The following NUTM2E variants were observed in gnomAD, a reference collection of about 807,000 sequenced individuals.
The protein encoded by NUTM2E is family with sequence similarity 22, member E.
Under a neutral mutation model 26.1 loss-of-function variants are expected in NUTM2E, and 3 were observed. The observed-to-expected ratio is 0.12, with a 90% CI of 0.05 to 0.30. The LOEUF (loss-of-function observed/expected upper bound fraction) is 0.30. NUTM2E is among the 10% of genes least tolerant of loss of function. NUTM2E has a pLI of 1.00. For synonymous variants in NUTM2E, 13 were observed against 157.5 expected (o/e 0.08, Z 6.87); for missense variants, 62 against 381.3 (o/e 0.16, Z 6.97).
At position 79,839,101 on chromosome 10, in the gene NUTM2E, C is replaced by A. The variant is rs1841983553; in HGVS notation, c.-2128C>A. Among the ~76,000 whole-genome samples, 1 of 151,506 alleles carries A rather than the reference C, an allele frequency of 6.6e-6. No homozygotes were observed. The highest frequency in any genetic ancestry group is 1.5e-5 in the Non-Finnish European group (1 of 67,840). ...GAGAAACCAGCGCGTCCGCAACGAT[C>A]ACTCCTAATTTTCGGTAATACAAAC... is the stretch of plus-strand genomic sequence containing the variant. On this transcript the variant is annotated 5_prime_UTR_variant, in exon 3 of 10. Coordinates refer to ENST00000429984, the MANE Select transcript of NUTM2E (RefSeq NM_001355263.2).
chr10:79,834,290 G>A (rs1352864729), intron 1 of NUTM2E, among the ~76,000 whole-genome samples: 1 of 151,622 alleles, frequency 6.6e-6, no homozygotes, highest in Non-Finnish European at 1.5e-5. Context: ...AACCATCATG[G>A]CACATGTATA....
chr10:79,830,069 T>G (rs571500573), intron 1 of NUTM2E, among the ~76,000 whole-genome samples: 1 of 151,924 alleles, frequency 6.6e-6, no homozygotes, highest in East Asian at 1.9e-4. Flanking sequence ...TAGTATGATT[T>G]ATTTACCTTT....
intron 1 of NUTM2E, among the ~76,000 whole-genome samples, chr10:79,828,927 T>C (rs1288527547): frequency 1.3e-5 from 2 of 151,816 alleles, no homozygotes; most frequent in Non-Finnish European, 2.9e-5. Context: ...AATATGGTGA[T>C]GAACAGCTAA....
chr10:79,838,984 G>A lies in NUTM2E; in HGVS notation c.-2245G>A, dbSNP rs1469213727. 5.4e-5 allele frequency among the ~76,000 whole-genome samples: 8 copies of A among 148,884 alleles called. No homozygotes were observed. Among genetic ancestry groups the A allele is most frequent in the Non-Finnish European group, 1.2e-4 (8 of 67,012 alleles). On this transcript the variant is annotated 5_prime_UTR_variant, in exon 3 of 10. Coordinates refer to ENST00000429984, the MANE Select transcript of NUTM2E (RefSeq NM_001355263.2). ...CAGGAGCCCGCCCTAGGAGGGCCCC[G>A]CTGGAGATGTGGAAATGGAGGGACG...
chr10:79,848,597 G>A lies in NUTM2E; in HGVS notation c.1436G>A (p.Arg479His), dbSNP rs1290805384. 22 of 589,906 alleles carry A rather than the reference G, an allele frequency of 3.7e-5. 5 individuals carry two copies. The highest frequency in any genetic ancestry group is 4.8e-5 in the Non-Finnish European group (19 of 396,370). The allele number at this position is 589,906 out of a possible 1,614,324, so 36.5% of individuals were successfully genotyped here. The change falls in exon 8 of 10, where the codon CGC becomes CAC. Residue 479 changes from arginine (R) to histidine (H), a missense_variant. By Grantham distance (29) the Arg-to-His change is conservative (BLOSUM62 0). Coordinates refer to ENST00000429984, the MANE Select transcript of NUTM2E (RefSeq NM_001355263.2). The stretch of plus-strand genomic sequence containing the variant: ...CCCCAGAGGCCAGTGACCAAGGCCC[G>A]CCGGCCACCACCCCAGCCCCACCGG... ...PRPQRPVTKA[R>H]RPPPQPHRRA...
At chr10:79,833,741 G>C (rs1039511899) in intron 1 of NUTM2E, among the ~76,000 whole-genome samples, 2 of 151,892 alleles carry the variant, frequency 1.3e-5, no homozygotes, top group Admixed American at 6.6e-5. Flanking sequence ...GAAGAAACAG[G>C]AACAGTTTTA....
At chr10:79,832,701 A>G (rs4097129) in intron 1 of NUTM2E, among the ~76,000 whole-genome samples, 140,683 of 151,598 alleles carry the variant, frequency 0.93, 65,552 homozygotes, top group East Asian at 1. Context: ...GAAATAACAA[A>G]TGCATATTCT....
intron 1 of NUTM2E, among the ~76,000 whole-genome samples, chr10:79,835,797 C>G (rs201095731): frequency 0.11 from 12,697 of 113,014 alleles, 851 homozygotes; most frequent in East Asian, 0.25. Flanking sequence ...CAGATATCCA[C>G]AGTATCCATC....
At chr10:79,838,047 G>A (rs993424185) in intron 1 of NUTM2E, among the ~76,000 whole-genome samples, 4 of 151,360 alleles carry the variant, frequency 2.6e-5, no homozygotes, top group African/African-American at 9.7e-5. Flanking sequence ...TCTCCCATAA[G>A]GCTGGCCATG....
chr10:79,830,851 C>T (rs550555665), intron 1 of NUTM2E, among the ~76,000 whole-genome samples: 34 of 151,612 alleles, frequency 2.2e-4, no homozygotes, highest in African/African-American at 8.0e-4. Context: ...TCTAATTATC[C>T]TCAGTCCCCA....
At chr10:79,835,229 G>T (rs1241833530) in intron 1 of NUTM2E, among the ~76,000 whole-genome samples, 4 of 31,200 alleles carry the variant, frequency 1.3e-4, no homozygotes, top group Non-Finnish European at 5.8e-4. Flanking sequence ...CATGGGCTCT[G>T]TCATGACTGA....
intron 1 of NUTM2E, among the ~76,000 whole-genome samples, chr10:79,827,771 G>T (rs1284089731): frequency 6.8e-6 from 1 of 146,348 alleles, no homozygotes; most frequent in Non-Finnish European, 1.5e-5. Context: ...CATACTAAAT[G>T]AATTATTTAG....
At chr10:79,836,394 G>A (rs1841963782) in intron 1 of NUTM2E, among the ~76,000 whole-genome samples, 1 of 151,792 alleles carries the variant, frequency 6.6e-6, no homozygotes, top group Non-Finnish European at 1.5e-5. Context: ...ATTTCTCTAG[G>A]ATACATCTAT....
intron 1 of NUTM2E, among the ~76,000 whole-genome samples, chr10:79,829,190 G>A (rs1841910825): frequency 6.6e-6 from 1 of 151,752 alleles, no homozygotes; most frequent in African/African-American, 2.4e-5. Context: ...AATAGTCTAG[G>A]TCTTCGTTGT....
At chr10:79,829,695 A>C (rs988737851) in intron 1 of NUTM2E, among the ~76,000 whole-genome samples, 39 of 151,862 alleles carry the variant, frequency 2.6e-4, no homozygotes, top group Non-Finnish European at 5.4e-4. Context: ...TGCGAAGAGA[A>C]GGGAATGTCA....
chr10:79,827,325 G>A lies in NUTM2E; in HGVS notation c.-2760G>A, dbSNP rs886617659. ...GCAGTGCAAAGGCTTCACTGAAAAA[G>A]AACATTACAACTTTTTTGAAAGAAA... On this transcript the variant is annotated 5_prime_UTR_variant, in exon 1 of 10. Transcript: ENST00000429984. The A allele has an allele frequency of 6.5e-6, 1 of 153,144 alleles. No homozygotes were observed. The highest frequency in any genetic ancestry group is 1.5e-5 in the Non-Finnish European group (1 of 67,972). 9.5% of individuals were successfully genotyped at this position (153,144 alleles called of 1,614,324 possible). A position where few individuals can be genotyped will look rare whatever the true frequency, so the allele number is the denominator to read the frequency against.
chr10:79,833,095 C>G (rs1363404473), intron 1 of NUTM2E, among the ~76,000 whole-genome samples: 1 of 151,840 alleles, frequency 6.6e-6, no homozygotes, highest in Non-Finnish European at 1.5e-5. Flanking sequence ...AGAAAAGTCA[C>G]TTATGTGGCC....
intron 1 of NUTM2E, among the ~76,000 whole-genome samples, chr10:79,832,187 C>G (rs1841931633): frequency 1.3e-5 from 2 of 151,864 alleles, no homozygotes; most frequent in Non-Finnish European, 2.9e-5. Context: ...TTAGCAACTG[C>G]TAACAATATT....
At chr10:79,838,018 T>G (rs1015623851) in intron 1 of NUTM2E, among the ~76,000 whole-genome samples, 1 of 151,416 alleles carries the variant, frequency 6.6e-6, no homozygotes, top group African/African-American at 2.4e-5. Flanking sequence ...TCTCCAGTCC[T>G]CTTGTCTCTC....
Sources: allele counts gnomAD v4.1 joint callset (sites outside exome capture counted in the v4.1 genomes callset), GRCh38; gene constraint gnomAD v4.1.1; transcripts MANE v1.5; gene names NCBI Gene and HGNC (gene_info 2026-07-23, HGNC 2026-07-21).